KCNJ6: variants seen among roughly 807,000 people sequenced by gnomAD.
KCNJ6 encodes the protein potassium inwardly rectifying channel subfamily J member 6.
Under a neutral mutation model 34.2 loss-of-function variants are expected in KCNJ6, and 9 were observed. The observed-to-expected ratio is 0.26, with a 90% CI of 0.16 to 0.46. The LOEUF (loss-of-function observed/expected upper bound fraction) is 0.46, where lower values mean the gene tolerates loss of function less well. Ranked by LOEUF, KCNJ6 falls within the 20% of genes least tolerant of loss-of-function variation. The probability of loss-of-function intolerance (pLI) is 1.00; values close to 1 mark genes in which losing one functional copy is unlikely to be tolerated. For missense variants in KCNJ6, 236 were observed against 531.3 expected (o/e 0.44, Z 5.46); for synonymous variants, 196 against 207.1 (o/e 0.95, Z 0.46).
At chr21:37,734,232 AC>A (rs777660319) in intron 2 of KCNJ6, among the ~76,000 whole-genome samples, 3 of 151,912 alleles carry the variant, frequency 2.0e-5, no homozygotes, top group African/African-American at 4.8e-5. Flanking sequence ...GCGGGGAGAA[AC>A]CAGCTGGTTT....
rs536118555 is a variant in KCNJ6 at position 37,789,970 on chromosome 21, T to C, written c.25+50688A>G. Among the ~76,000 whole-genome samples, 12 of 152,248 alleles carry C rather than the reference T, an allele frequency of 7.9e-5. 1 individual carries two copies. In the South Asian group the frequency reaches 1.9e-3, roughly 24 times the overall value. ...GCTACATACCCAGGTGTGTGAGTGA[T>C]AGAGTTGGGGGAAGAGCCAGAGATC... On this transcript the variant is annotated intron_variant, in intron 2 of 3. Transcript: ENST00000609713.
chr21:37,814,760 T>C (rs1055918019), intron 2 of KCNJ6, among the ~76,000 whole-genome samples: 1 of 151,672 alleles, frequency 6.6e-6, no homozygotes, highest in Non-Finnish European at 1.5e-5. Flanking sequence ...TAGCCAGGCG[T>C]GGTGGCGGGC....
chr21:37,754,297 G>A (rs1392241062), intron 2 of KCNJ6, among the ~76,000 whole-genome samples: 10 of 152,172 alleles, frequency 6.6e-5, no homozygotes, highest in African/African-American at 2.4e-4. Context: ...CTCAAGTGCC[G>A]CTTGCTTGAG....
In KCNJ6 at chr21:37,715,093, C is replaced by T. The variant is rs202012431; in HGVS notation, c.64G>A (p.Glu22Lys). The change falls in exon 3 of 4, where the codon GAA becomes AAA. Residue 22 changes from glutamate (E) to lysine (K), a missense_variant. Glu to Lys is a moderately conservative substitution (Grantham distance 56, BLOSUM62 1). Transcript: ENST00000609713. ...GGCTGGTGAATGGCCACTGGGCTTT[C>T]GACGTCCTGATCCATGGAGTCGCCC... ...LEGDSMDQDV[E>K]SPVAIHQPKL... 8 of 1,614,134 alleles carry T rather than the reference C, an allele frequency of 5.0e-6. No individual in the cohort carries two copies. The highest frequency in any genetic ancestry group is 1.7e-5 in the Admixed American group (1 of 60,024).
At chr21:37,646,594 T>C (rs1380040795) in intron 3 of KCNJ6, among the ~76,000 whole-genome samples, 5 of 152,224 alleles carry the variant, frequency 3.3e-5, no homozygotes, top group African/African-American at 4.8e-5. Flanking sequence ...CCGGGCGATG[T>C]TCAGCAGAGC....
chr21:37,688,993 G>T (rs905133673), intron 3 of KCNJ6, among the ~76,000 whole-genome samples: 1 of 152,118 alleles, frequency 6.6e-6, no homozygotes, highest in Non-Finnish European at 1.5e-5. Flanking sequence ...TACACCAAAG[G>T]TGCATATATC....
chr21:37,854,996 T>C (rs2055557485), intron 1 of KCNJ6, among the ~76,000 whole-genome samples: 1 of 152,096 alleles, frequency 6.6e-6, no homozygotes, highest in Admixed American at 6.5e-5. Flanking sequence ...ATCAACATCA[T>C]CAACCAACAG....
intron 1 of KCNJ6, among the ~76,000 whole-genome samples, chr21:37,853,846 G>GTGTGTATATATATATA (rs71198897): frequency 1.7e-5 from 2 of 115,990 alleles, no homozygotes; most frequent in Non-Finnish European, 3.3e-5. Flanking sequence ...ATATATATAT[G>GTGTGTATATATATATA]TATATATATA....
intron 3 of KCNJ6, among the ~76,000 whole-genome samples, chr21:37,685,126 A>C (rs2054607337): frequency 6.6e-6 from 1 of 152,204 alleles, no homozygotes; most frequent in South Asian, 2.1e-4. Context: ...GGCAAAGAGA[A>C]GAAAAGGAAA....
chr21:37,859,827 G>A (rs2055585997), intron 1 of KCNJ6, among the ~76,000 whole-genome samples: 1 of 152,022 alleles, frequency 6.6e-6, no homozygotes, highest in Non-Finnish European at 1.5e-5. Flanking sequence ...TGGGGCTTTG[G>A]GTCTTCTAAG....
rs535388307 is a variant in KCNJ6, at chr21:37,837,325, G to T, written c.25+3333C>A. Among the ~76,000 whole-genome samples the T allele has an allele frequency of 3.3e-5, 5 of 152,122 alleles. No individual in the cohort carries two copies. The East Asian group carries it at 9.7e-4, about 29-fold the overall frequency. ...CAGCAAAGTCGTCAGAAAAATAAAG[G>T]TGGTTTTATTCAAACATTTAAAATT... On this transcript the variant is annotated intron_variant, in intron 2 of 3. Coordinates refer to ENST00000609713, the MANE Select transcript of KCNJ6 (RefSeq NM_002240.5).
chr21:37,841,850 A>T (rs1010263771), intron 1 of KCNJ6, among the ~76,000 whole-genome samples: 1 of 152,212 alleles, frequency 6.6e-6, no homozygotes, highest in African/African-American at 2.4e-5. Flanking sequence ...TACTTCATAA[A>T]ACACTGGGAT....
intron 2 of KCNJ6, among the ~76,000 whole-genome samples, chr21:37,823,215 T>A (rs2055382703): frequency 6.6e-6 from 1 of 151,974 alleles, no homozygotes; most frequent in Admixed American, 6.6e-5. Flanking sequence ...AGACTTAGGC[T>A]CTGGGCACAC....
intron 2 of KCNJ6, among the ~76,000 whole-genome samples, chr21:37,760,994 G>T (rs1317004608): frequency 6.6e-6 from 1 of 152,200 alleles, no homozygotes; most frequent in African/African-American, 2.4e-5. Context: ...AGAGCCAGAA[G>T]AAAGATGCAC....
intron 2 of KCNJ6, among the ~76,000 whole-genome samples, chr21:37,801,724 C>T (rs1601478569): frequency 7.5e-6 from 1 of 133,216 alleles, no homozygotes; most frequent in South Asian, 2.6e-4. Context: ...TCCTAGGCAG[C>T]ACTGTGATTT....
At chr21:37,767,318 G>A (rs763352734) in intron 2 of KCNJ6, among the ~76,000 whole-genome samples, 7 of 152,208 alleles carry the variant, frequency 4.6e-5, no homozygotes, top group African/African-American at 7.2e-5. Flanking sequence ...TTTGGCGTTC[G>A]AATCTATGAT....
intron 1 of KCNJ6, among the ~76,000 whole-genome samples, chr21:37,866,628 A>G (rs1336130848): frequency 4.7e-4 from 1 of 2,138 alleles, no homozygotes; most frequent in Non-Finnish European, 8.5e-4. Context: ...GAGAATGAGC[A>G]AGAAAAGTGT....
chr21:37,812,917 C>T (rs1424547388), intron 2 of KCNJ6, among the ~76,000 whole-genome samples: 1 of 152,118 alleles, frequency 6.6e-6, no homozygotes, highest in Non-Finnish European at 1.5e-5. Flanking sequence ...CTAGCTACAG[C>T]CGTCAGACAA....
chr21:37,881,713 C>T (rs1272983085), intron 1 of KCNJ6, among the ~76,000 whole-genome samples: 3 of 152,130 alleles, frequency 2.0e-5, no homozygotes, highest in East Asian at 3.9e-4. Flanking sequence ...TCCTATTGCC[C>T]TCATGATGGG....
Sources: allele counts gnomAD v4.1 joint callset (sites outside exome capture counted in the v4.1 genomes callset), GRCh38; gene constraint gnomAD v4.1.1; transcripts MANE v1.5; gene names NCBI Gene and HGNC (gene_info 2026-07-23, HGNC 2026-07-21).